UBA52: variants seen among roughly 807,000 people sequenced by gnomAD.
UBA52 encodes ubiquitin-ribosomal protein eL40 fusion protein.
UBA52 carries 1 observed loss-of-function variant against 15.3 expected under a neutral mutation model. That is an observed-to-expected ratio of 0.07 (90% CI 0.02 to 0.31). The LOEUF is 0.31. Among genes scored for constraint, UBA52 ranks in the 10% least tolerant of loss-of-function variants. UBA52 has a pLI of 1.00. For synonymous variants in UBA52, 50 were observed against 58.3 expected (o/e 0.86, Z 0.65); for missense variants, 87 against 168.0 (o/e 0.52, Z 2.66).
At chr19:18,570,866 T>C (rs1466728101), upstream of UBA52, among the ~76,000 whole-genome samples, 1 of 151,656 alleles carries the variant, frequency 6.6e-6, no homozygotes, top group Non-Finnish European at 1.5e-5. Flanking sequence ...TTTGTATTTT[T>C]AGTAGAGATG....
chr19:18,567,356 C>A (rs1975298566), upstream of UBA52: 2 of 663,654 alleles, frequency 3.0e-6, no homozygotes, highest in Non-Finnish European at 5.4e-6. Flanking sequence ...CAGCAGCTGG[C>A]AGAGTGGGCA....
At chr19:18,572,750 G>T in intron 1 of UBA52, 4 of 991,666 alleles carry the variant, frequency 4.0e-6, no homozygotes, top group Non-Finnish European at 4.8e-6. Flanking sequence ...GAGAGTTTTG[G>T]TGTAATTGAG....
intron 3 of UBA52, among the ~76,000 whole-genome samples, chr19:18,574,494 G>T (rs543399956): frequency 5.9e-4 from 89 of 152,004 alleles, no homozygotes; most frequent in Non-Finnish European, 1.0e-3. Context: ...GTTTCACTAC[G>T]TTGGCCAGGC....
At chr19:18,570,177 C>G (rs1210446978), upstream of UBA52, among the ~76,000 whole-genome samples, 1 of 151,594 alleles carries the variant, frequency 6.6e-6, no homozygotes, top group Non-Finnish European at 1.5e-5. Context: ...TCATTGCTCC[C>G]CATCTTCTCT....
chr19:18,571,810 T>C (rs1276826123), upstream of UBA52: 2 of 152,334 alleles, frequency 1.3e-5, no homozygotes, highest in Non-Finnish European at 1.5e-5. Context: ...GCGTGCTCCG[T>C]GCGCAAGCGC....
upstream of UBA52, chr19:18,567,165 A>G (rs370314945): frequency 8.4e-5 from 135 of 1,614,094 alleles, no homozygotes; most frequent in Non-Finnish European, 1.1e-4. Context: ...GGCAGCACCC[A>G]GAGGCCTTCA....
At chr19:18,565,905 C>A in the UBA52 span, among the ~76,000 whole-genome samples, 3 of 152,182 alleles carry the variant, frequency 2.0e-5, no homozygotes, top group African/African-American at 7.2e-5. Context: ...CCAGGCTAGT[C>A]TCAAACTCCT....
Position 18,573,286 on chromosome 19 carries a change from C to G in UBA52, c.-8-7C>G. 1.9e-6 allele frequency: 3 copies of G among 1,613,952 alleles called. No homozygotes were observed. Among genetic ancestry groups the G allele is most frequent in the Non-Finnish European group, 2.5e-6 (3 of 1,179,818 alleles). On this transcript the variant is annotated splice_region_variant and splice_polypyrimidine_tract_variant and intron_variant, in intron 1 of 4. Coordinates refer to ENST00000442744, the MANE Select transcript of UBA52 (RefSeq NM_001033930.3). Reference sequence around the variant, plus strand: ...ACCAGTCTATCCTGCCTCCCTTCCTCCTGCAGACGCAAACATGCAGATCTT... The same window carrying G: ...ACCAGTCTATCCTGCCTCCCTTCCTGCTGCAGACGCAAACATGCAGATCTT...
chr19:18,572,253 A>T (rs1181253345), intron 1 of UBA52: 4 of 152,272 alleles, frequency 2.6e-5, no homozygotes, highest in Non-Finnish European at 5.9e-5. Context: ...TCTCGAGCTG[A>T]GTCTTCATAC....
At chr19:18,572,662 G>T in intron 1 of UBA52, 6 of 375,992 alleles carry the variant, frequency 1.6e-5, no homozygotes, top group Non-Finnish European at 1.8e-5. Context: ...ACTTTTATAT[G>T]TGAACAATGC....
At chr19:18,574,623 G>A (rs1407293054) in intron 3 of UBA52, among the ~76,000 whole-genome samples, 2 of 152,206 alleles carry the variant, frequency 1.3e-5, no homozygotes. Flanking sequence ...CCAGATGGAT[G>A]CCTCAGTTGG....
rs1975614367 is a variant in UBA52, at chr19:18,573,518, C to G, written c.103+115C>G. Reference sequence around the variant, plus strand: ...CTTTAGATCTGTTTTGCCCTTGCTTCTCCATGTGATCTGAAGAACGTTTGT... The same window carrying G: ...CTTTAGATCTGTTTTGCCCTTGCTTGTCCATGTGATCTGAAGAACGTTTGT... On this transcript the variant is annotated intron_variant, in intron 2 of 4. Transcript: ENST00000442744. The G allele has an allele frequency of 3.1e-6, 4 of 1,296,934 alleles. No individual in the cohort carries two copies. In the East Asian group the frequency reaches 9.6e-5, roughly 31 times the overall value. 80.3% of individuals were successfully genotyped at this position (1,296,934 alleles called of 1,614,324 possible).
At chr19:18,568,526 G>A (rs755014654), upstream of UBA52, 31 of 1,613,864 alleles carry the variant, frequency 1.9e-5, no homozygotes, top group Admixed American at 3.5e-4. Flanking sequence ...ACACCGTCTC[G>A]CCCTCCCTGA....
chr19:18,565,497 G>T, the UBA52 span, among the ~76,000 whole-genome samples: 1 of 152,050 alleles, frequency 6.6e-6, no homozygotes, highest in Non-Finnish European at 1.5e-5. Context: ...CTCCCAAAGT[G>T]CTGGGATTAC....
In UBA52 at chr19:18,573,916, T is replaced by C. The variant is rs1440442794; in HGVS notation, c.190+168T>C. ...CTGTAATCCCGGCACTTTGGGAGGCTTAGGCGGGTGGATCACCTGAGGTCA... is the reference window on the plus strand; with the variant it reads ...CTGTAATCCCGGCACTTTGGGAGGCCTAGGCGGGTGGATCACCTGAGGTCA... On this transcript the variant is annotated intron_variant, in intron 3 of 4. Transcript: ENST00000442744. 1.9e-5 allele frequency: 12 copies of C among 643,190 alleles called. No homozygotes were observed. The Admixed American group carries it at 2.2e-4, about 12-fold the overall frequency. 39.8% of individuals were successfully genotyped at this position (643,190 alleles called of 1,614,324 possible).
upstream of UBA52, chr19:18,568,734 G>A (rs1054155966): frequency 9.5e-6 from 8 of 842,096 alleles, no homozygotes; most frequent in African/African-American, 5.1e-5. Flanking sequence ...TTGCTGCCCC[G>A]TTCTGTCACC....
At position 18,576,147 on chromosome 19, in the gene UBA52, A is replaced by G. The variant is rs946240242; in HGVS notation, c.*997A>G. ...CTCTCCTATGATAATCACTCTTAAG[A>G]AGGGCAACCCTTGGTGTTTTCCCCT... is the stretch of plus-strand genomic sequence containing the variant. On this transcript the variant is annotated 3_prime_UTR_variant, in exon 5 of 5. Transcript: ENST00000442744. The G allele has an allele frequency of 1.3e-5, 2 of 151,516 alleles. No individual in the cohort carries two copies. Among genetic ancestry groups the G allele is most frequent in the Non-Finnish European group, 2.9e-5 (2 of 67,948 alleles). 9.4% of individuals were successfully genotyped at this position (151,516 alleles called of 1,614,324 possible). A position where few individuals can be genotyped will look rare whatever the true frequency, so the allele number is the denominator to read the frequency against.
chr19:18,568,268 A>G, upstream of UBA52: 9 of 390,890 alleles, frequency 2.3e-5, no homozygotes, highest in South Asian at 3.6e-4. Flanking sequence ...TCCGTCTCAA[A>G]AAAAAAAAAA....
chr19:18,573,177 G>A (rs1260757649), intron 1 of UBA52, 116 bp from the exon 2 acceptor site: 3 of 1,145,834 alleles, frequency 2.6e-6, no homozygotes, highest in Non-Finnish European at 3.8e-6. Context: ...TACTGGGGCA[G>A]GACCAGTTGG....
Sources: gnomAD v4.1 joint callset for allele counts (sites outside exome capture counted in the v4.1 genomes callset) on GRCh38, gnomAD v4.1.1 for gene constraint, MANE v1.5 for transcripts, NCBI Gene and HGNC (gene_info 2026-07-23, HGNC 2026-07-21) for gene names.